SIK2: variants seen among roughly 807,000 people sequenced by gnomAD.
The protein encoded by SIK2 is serine/threonine-protein kinase SIK2.
Under a neutral mutation model 103.2 loss-of-function variants are expected in SIK2, and 29 were observed. That is an observed-to-expected ratio of 0.28 (90% CI 0.21 to 0.38). SIK2 has a LOEUF of 0.38. SIK2 is among the 10% of genes least tolerant of loss of function. SIK2 has a pLI of 1.00. For synonymous variants in SIK2, 412 were observed against 446.1 expected, an observed-to-expected ratio of 0.92 and a Z score of 0.96; for missense variants, 879 against 1,171.0, an observed-to-expected ratio of 0.75 and a Z score of 3.64.
chr11:111,678,186 C>G (rs1942730865), intron 3 of SIK2, among the ~76,000 whole-genome samples: 1 of 152,148 alleles, frequency 6.6e-6, no homozygotes, highest in Admixed American at 6.6e-5. Flanking sequence ...CAAAAAGAAG[C>G]CTTTCATGAT....
In SIK2 at chr11:111,723,688, T is replaced by A; in HGVS notation, c.2340T>A (p.Pro780=). ...AGCCCCTGAGCCCCGTCCTGGAGCC[T>A]TCCTCCGAGCAGATGCAATACAGCC... The part of the protein sequence containing the change: ...LTQPLSPVLE[P]SSEQMQYSPF... Residue 780 remains proline (P), a synonymous_variant, in exon 15 of 15, where the codon CCT becomes CCA. Coordinates refer to ENST00000304987, the MANE Select transcript of SIK2 (RefSeq NM_015191.3). 6.2e-7 allele frequency: 1 copy of A among 1,613,968 alleles called. No homozygotes were observed. Among genetic ancestry groups the A allele is most frequent in the Non-Finnish European group, 8.5e-7 (1 of 1,179,992 alleles).
chr11:111,658,254 T>C (rs1187674296), intron 3 of SIK2, among the ~76,000 whole-genome samples: 2 of 151,918 alleles, frequency 1.3e-5, no homozygotes, highest in African/African-American at 4.8e-5. Context: ...GCCTCCCTAG[T>C]ACTAGGACTA....
intron 1 of SIK2, among the ~76,000 whole-genome samples, chr11:111,614,359 C>T (rs1434337706): frequency 2.0e-5 from 3 of 152,114 alleles, no homozygotes; most frequent in Non-Finnish European, 2.9e-5. Context: ...GTTGGGATTA[C>T]AGGCATGAGC....
intron 1 of SIK2, among the ~76,000 whole-genome samples, chr11:111,607,441 GT>G (rs1158634456): frequency 2.6e-5 from 4 of 152,082 alleles, no homozygotes; most frequent in Non-Finnish European, 5.9e-5. Flanking sequence ...TGATTATGAT[GT>G]TTCTTGAAGA....
chr11:111,669,256 T>C (rs1237902546), intron 3 of SIK2, among the ~76,000 whole-genome samples: 1 of 152,056 alleles, frequency 6.6e-6, no homozygotes, highest in Non-Finnish European at 1.5e-5. Flanking sequence ...GGAAATACAT[T>C]TGTATGTGTA....
intron 3 of SIK2, chr11:111,671,700 C>T: frequency 2.5e-6 from 1 of 395,290 alleles, no homozygotes; most frequent in Non-Finnish European, 4.9e-6. Context: ...GGATCTCCTT[C>T]ATACAGCTGC....
intron 1 of SIK2, among the ~76,000 whole-genome samples, chr11:111,614,581 TA>T (rs1266556514): frequency 2.0e-5 from 3 of 152,172 alleles, no homozygotes; most frequent in Non-Finnish European, 4.4e-5. Context: ...AAGTGGATCA[TA>T]AAGGTCTCCA....
chr11:111,626,411 C>G (rs1490368188), intron 3 of SIK2, among the ~76,000 whole-genome samples: 1 of 151,354 alleles, frequency 6.6e-6, no homozygotes, highest in Non-Finnish European at 1.5e-5. Context: ...CTCTCTTTTC[C>G]CTTACTTGGC....
rs182160274 is a variant in SIK2 at position 111,619,543 on chromosome 11, C to A, written c.253-796C>A. Among the ~76,000 whole-genome samples the A allele has an allele frequency of 8.5e-4, 130 of 152,212 alleles. 2 individuals carry two copies. The East Asian group carries it at 0.017, about 20-fold the overall frequency. The stretch of plus-strand genomic sequence containing the variant: ...ATTTTTTGGTAGAGACGGGGTTTTG[C>A]CATGTTGGCCAGGCTGGTGTCGAAC... On this transcript the variant is annotated intron_variant, in intron 2 of 14. Coordinates refer to ENST00000304987, the MANE Select transcript of SIK2 (RefSeq NM_015191.3).
chr11:111,714,619 C>A (rs1178301494), intron 9 of SIK2, among the ~76,000 whole-genome samples: 3 of 152,130 alleles, frequency 2.0e-5, no homozygotes, highest in Non-Finnish European at 4.4e-5. Context: ...GGGAGAAGTC[C>A]AAACCAGTAA....
chr11:111,655,029 G>A (rs1045888687), intron 3 of SIK2, among the ~76,000 whole-genome samples: 4 of 152,114 alleles, frequency 2.6e-5, no homozygotes, highest in African/African-American at 9.7e-5. Context: ...TTAAAGCATT[G>A]TTCTACAATG....
intron 1 of SIK2, among the ~76,000 whole-genome samples, chr11:111,613,887 C>T (rs114604691): frequency 1.3e-3 from 194 of 152,134 alleles, no homozygotes; most frequent in African/African-American, 4.5e-3. Context: ...CAGGAAACAA[C>T]CTGTGGACAG....
chr11:111,623,333 G>A (rs138724445), intron 3 of SIK2, among the ~76,000 whole-genome samples: 20 of 152,196 alleles, frequency 1.3e-4, no homozygotes, highest in African/African-American at 4.6e-4. Flanking sequence ...CTGATTTCCA[G>A]CATCTCTGTC....
At position 111,633,848 on chromosome 11, in the gene SIK2, T is replaced by A. The variant is rs183780675; in HGVS notation, c.316+13446T>A. On this transcript the variant is annotated intron_variant, in intron 3 of 14. Transcript: ENST00000304987. Reference sequence around the variant, plus strand: ...GCAGCATGGAATATGGAATGGCAAATGAATTTGCTTAAGAGTCCTTGGGTT... The same window carrying A: ...GCAGCATGGAATATGGAATGGCAAAAGAATTTGCTTAAGAGTCCTTGGGTT... 9.8e-5 allele frequency among the ~76,000 whole-genome samples: 15 copies of A among 152,290 alleles called. No homozygotes were observed. In the East Asian group the frequency reaches 2.7e-3, roughly 27 times the overall value.
intron 3 of SIK2, among the ~76,000 whole-genome samples, chr11:111,648,647 G>A (rs1396366644): frequency 1.3e-5 from 2 of 150,646 alleles, no homozygotes; most frequent in Admixed American, 6.6e-5. Flanking sequence ...TATATTTCAT[G>A]TATATATATA....
chr11:111,653,405 C>T (rs1041801127), intron 3 of SIK2, among the ~76,000 whole-genome samples: 1 of 152,198 alleles, frequency 6.6e-6, no homozygotes, highest in South Asian at 2.1e-4. Flanking sequence ...TGCTCAGTAA[C>T]TTGACCTTCA....
chr11:111,706,295 G>T (rs1320311140), intron 8 of SIK2, among the ~76,000 whole-genome samples: 3 of 152,182 alleles, frequency 2.0e-5, no homozygotes. Flanking sequence ...ACTTAGAGAT[G>T]ACTCTGTTCT....
At chr11:111,672,576 A>AT (rs958256013) in intron 3 of SIK2, among the ~76,000 whole-genome samples, 17 of 150,972 alleles carry the variant, frequency 1.1e-4, no homozygotes, top group East Asian at 7.8e-4. Flanking sequence ...CCATTAAATT[A>AT]TTTTTTTTTT....
intron 3 of SIK2, among the ~76,000 whole-genome samples, chr11:111,658,096 T>G (rs1194980670): frequency 9.5e-5 from 4 of 42,320 alleles, no homozygotes; most frequent in African/African-American, 3.0e-4. Flanking sequence ...TTTATTTTAT[T>G]TATTTATTTA....
Sources: allele counts gnomAD v4.1 joint callset (sites outside exome capture counted in the v4.1 genomes callset), GRCh38; gene constraint gnomAD v4.1.1; transcripts MANE v1.5; gene names NCBI Gene and HGNC (gene_info 2026-07-23, HGNC 2026-07-21).